CATSPERT: variants seen among roughly 807,000 people sequenced by gnomAD.
CATSPERT encodes cation channel sperm-associated targeting subunit tau.
the CATSPERT span, among the ~76,000 whole-genome samples, chr2:201,507,790 G>A: frequency 6.6e-6 from 1 of 152,090 alleles, no homozygotes; most frequent in African/African-American, 2.4e-5. Context: ...AAGCATGACT[G>A]GGGGGGCCTC....
the CATSPERT span, among the ~76,000 whole-genome samples, chr2:201,562,323 G>A: frequency 6.6e-6 from 1 of 151,280 alleles, no homozygotes; most frequent in Non-Finnish European, 1.5e-5. Flanking sequence ...GAGTAGGTGG[G>A]ACTACAGGCG....
the CATSPERT span, among the ~76,000 whole-genome samples, chr2:201,523,195 C>T: frequency 3.9e-5 from 6 of 152,184 alleles, no homozygotes; most frequent in African/African-American, 1.4e-4. Flanking sequence ...CATGTGTGTG[C>T]AGACCCCACT....
chr2:201,561,106 T>TC, the CATSPERT span, among the ~76,000 whole-genome samples: 1 of 152,130 alleles, frequency 6.6e-6, no homozygotes. Flanking sequence ...ATTACACTCT[T>TC]CCCAGACTTC....
the CATSPERT span, among the ~76,000 whole-genome samples, chr2:201,522,486 T>C: frequency 2.0e-5 from 3 of 151,786 alleles, no homozygotes; most frequent in African/African-American, 7.3e-5. Context: ...CAGACTCTGG[T>C]TGAAGTGGGA....
chr2:201,599,188 C>CA, the CATSPERT span, among the ~76,000 whole-genome samples: 1 of 152,130 alleles, frequency 6.6e-6, no homozygotes, highest in Non-Finnish European at 1.5e-5. Context: ...AGTACCTCTC[C>CA]ACGTTTTCAT....
At chr2:201,600,000 T>C in the CATSPERT span, among the ~76,000 whole-genome samples, 26 of 152,186 alleles carry the variant, frequency 1.7e-4, no homozygotes, top group African/African-American at 6.3e-4. Context: ...CAAAAACCTA[T>C]GCTTAAAAAA....
chr2:201,564,334 G>A, the CATSPERT span, among the ~76,000 whole-genome samples: 1 of 152,114 alleles, frequency 6.6e-6, no homozygotes, highest in Non-Finnish European at 1.5e-5. Flanking sequence ...TTAAAATTAA[G>A]CTCCTCAAAT....
At chr2:201,605,702 T>A in the CATSPERT span, among the ~76,000 whole-genome samples, 6 of 152,286 alleles carry the variant, frequency 3.9e-5, no homozygotes, top group South Asian at 1.2e-3. Flanking sequence ...ACAAAAATTC[T>A]TCCTCCCAAA....
chr2:201,517,509 C>T, the CATSPERT span, among the ~76,000 whole-genome samples: 1 of 152,108 alleles, frequency 6.6e-6, no homozygotes, highest in African/African-American at 2.4e-5. Flanking sequence ...AGGGTTTTAC[C>T]CTACTTACAA....
chr2:201,593,608 A>T, the CATSPERT span, among the ~76,000 whole-genome samples: 1 of 140,160 alleles, frequency 7.1e-6, no homozygotes, highest in Non-Finnish European at 1.5e-5. Flanking sequence ...AATGTGTGGG[A>T]GTCTAAGTCT....
the CATSPERT span, among the ~76,000 whole-genome samples, chr2:201,612,508 A>G: frequency 7.1e-6 from 1 of 140,844 alleles, no homozygotes; most frequent in Non-Finnish European, 1.5e-5. Context: ...CGGGAGGCGG[A>G]GGTTGCTGTG....
the CATSPERT span, among the ~76,000 whole-genome samples, chr2:201,601,317 G>T: frequency 0.19 from 24,212 of 127,606 alleles, 2,730 homozygotes; most frequent in East Asian, 0.32. Context: ...TGTGTGTGTG[G>T]GTTGTAATAA....
At chr2:201,491,277 A>C in the CATSPERT span, 1 of 1,537,894 alleles carries the variant, frequency 6.5e-7, no homozygotes, top group African/African-American at 1.4e-5. Context: ...CTATCTTGTT[A>C]AATGACTTTT....
chr2:201,541,218 A>C, the CATSPERT span, among the ~76,000 whole-genome samples: 9 of 152,094 alleles, frequency 5.9e-5, no homozygotes, highest in Admixed American at 5.9e-4. Context: ...CTAAAATGAC[A>C]ACAAAGGATT....
chr2:201,549,164 T>G, the CATSPERT span, among the ~76,000 whole-genome samples: 1 of 152,164 alleles, frequency 6.6e-6, no homozygotes, highest in Non-Finnish European at 1.5e-5. Context: ...TGCAATGGAT[T>G]GCAGCCTATC....
chr2:201,601,668 G>C, the CATSPERT span: 1 of 1,402,656 alleles, frequency 7.1e-7, no homozygotes, highest in Non-Finnish European at 9.6e-7. Flanking sequence ...TTTATAAAAA[G>C]ACAGAATTAG....
the CATSPERT span, among the ~76,000 whole-genome samples, chr2:201,543,006 C>T: frequency 3.9e-5 from 6 of 152,150 alleles, no homozygotes; most frequent in Admixed American, 3.9e-4. Flanking sequence ...AGTCATTAAT[C>T]CATTGAGAAT....
chr2:201,599,974 C>G, the CATSPERT span, among the ~76,000 whole-genome samples: 4 of 152,114 alleles, frequency 2.6e-5, no homozygotes, highest in Admixed American at 1.3e-4. Flanking sequence ...AACAAACAAA[C>G]AAACAACAAC....
chr2:201,535,860 C>G, the CATSPERT span: 9 of 1,496,486 alleles, frequency 6.0e-6, no homozygotes. Context: ...TCTTTTGGGT[C>G]TTGGCTTTGA....
Sources: gnomAD v4.1 joint callset for allele counts (sites outside exome capture counted in the v4.1 genomes callset) on GRCh38, gnomAD v4.1.1 for gene constraint, MANE v1.5 for transcripts, NCBI Gene and HGNC (gene_info 2026-07-23, HGNC 2026-07-21) for gene names.